Variants in RTN4IP1 observed in about 807,000 individuals in gnomAD.
RTN4IP1 encodes the protein reticulon 4 interacting protein 1.
In RTN4IP1, 32 loss-of-function variants were observed where a neutral mutation model predicts 46.6. The observed-to-expected ratio is 0.69, with a 90% CI of 0.52 to 0.92. RTN4IP1 has a LOEUF of 0.92. Among genes scored for constraint, RTN4IP1 ranks in the 40% least tolerant of loss-of-function variants. The pLI, the probability that RTN4IP1 is intolerant of heterozygous loss-of-function variation, is 0.00. For synonymous variants in RTN4IP1, 167 were observed against 161.8 expected (o/e 1.03, Z -0.24); for missense variants, 424 against 485.8 (o/e 0.87, Z 1.20).
intron 4 of RTN4IP1, among the ~76,000 whole-genome samples, chr6:106,611,735 C>T (rs569184025): frequency 6.6e-6 from 1 of 152,230 alleles, no homozygotes; most frequent in Admixed American, 6.5e-5. Context: ...ACCAAGATAG[C>T]CTAGATTTAT....
intron 8 of RTN4IP1, among the ~76,000 whole-genome samples, chr6:106,578,917 T>C (rs1022967194): frequency 7.7e-5 from 10 of 129,778 alleles, no homozygotes; most frequent in South Asian, 2.2e-4. Flanking sequence ...TCTTCTTCTT[T>C]TTTTTTTTTT....
intron 8 of RTN4IP1, among the ~76,000 whole-genome samples, chr6:106,575,437 G>A (rs373875542): frequency 1.3e-5 from 2 of 152,224 alleles, no homozygotes; most frequent in Admixed American, 6.5e-5. Flanking sequence ...ACGTAGGGAC[G>A]ACGGGAACCT....
chr6:106,618,995 C>G (rs1322789838), intron 4 of RTN4IP1, among the ~76,000 whole-genome samples: 1 of 152,114 alleles, frequency 6.6e-6, no homozygotes. Context: ...AAAAAATTCC[C>G]AAGTGATTGG....
intron 1 of RTN4IP1, among the ~76,000 whole-genome samples, chr6:106,623,920 C>A (rs6904150): frequency 0.4 from 60,108 of 151,982 alleles, 13,498 homozygotes; most frequent in East Asian, 0.63. Context: ...AACAGTTTAC[C>A]AGTAATGATC....
At chr6:106,584,608 T>C (rs1270391026) in intron 7 of RTN4IP1, among the ~76,000 whole-genome samples, 2 of 152,262 alleles carry the variant, frequency 1.3e-5, no homozygotes, top group Non-Finnish European at 2.9e-5. Flanking sequence ...GCCCATTTCC[T>C]GTAGAATGGT....
rs879437052 is a variant in RTN4IP1 at position 106,629,304 on chromosome 6, AG to A, written c.-284del. Reference sequence around the variant, plus strand: ...TCACCCCCTCCACTTTAAAAAAAAAAGGGGGGGCGGGGCATTAAAAAGCAGG... The same window carrying A: ...TCACCCCCTCCACTTTAAAAAAAAAAGGGGGGCGGGGCATTAAAAAGCAGG... On this transcript the variant is annotated 5_prime_UTR_variant, in exon 1 of 9. An upstream open reading frame in the 5' UTR loses its in-frame stop. Transcript: ENST00000369063. 12,790 of 359,362 alleles carry A rather than the reference AG, an allele frequency of 0.036. 4 individuals are homozygous for A. The highest frequency in any genetic ancestry group is 0.12 in the East Asian group (1,425 of 11,984). 22.3% of individuals were successfully genotyped at this position (359,362 alleles called of 1,614,324 possible).
At chr6:106,610,098 G>A (rs529059612) in intron 4 of RTN4IP1, among the ~76,000 whole-genome samples, 2 of 151,722 alleles carry the variant, frequency 1.3e-5, no homozygotes, top group Admixed American at 1.3e-4. Context: ...GTCTCACTCC[G>A]TCGCCCAGGC....
rs143947379 is a variant in RTN4IP1, at chr6:106,629,122, G to C, written c.-101C>G. ...TCAAATTCTGCCAAACCACGGGCTA[G>C]TTTCAAAATTAAGCATGCAAAACGG... On this transcript the variant is annotated 5_prime_UTR_variant, in exon 1 of 9. Transcript: ENST00000369063. 149 of 1,176,630 alleles carry C rather than the reference G, an allele frequency of 1.3e-4. 1 individual carries two copies. In the African/African-American group the frequency reaches 2.1e-3, roughly 16 times the overall value. The allele number at this position is 1,176,630 out of a possible 1,614,324, so 72.9% of individuals were successfully genotyped here. A position where few individuals can be genotyped will look rare whatever the true frequency, so the allele number is the denominator to read the frequency against.
chr6:106,599,283 G>A (rs1170542908), intron 5 of RTN4IP1, among the ~76,000 whole-genome samples: 2 of 151,654 alleles, frequency 1.3e-5, no homozygotes, highest in Admixed American at 1.3e-4. Context: ...AAAGCATACA[G>A]AATATAAATA....
At chr6:106,595,817 ACACTGCCCCTCATAT>A (rs1196145522) in intron 5 of RTN4IP1, among the ~76,000 whole-genome samples, 4 of 152,234 alleles carry the variant, frequency 2.6e-5, no homozygotes, top group Non-Finnish European at 4.4e-5. Context: ...TCACAAAATA[ACACTGCCCCTCATAT>A]CACTGCCCCT....
chr6:106,585,997 ACT>A (rs1369934558), intron 7 of RTN4IP1, among the ~76,000 whole-genome samples: 1 of 152,204 alleles, frequency 6.6e-6, no homozygotes, highest in Non-Finnish European at 1.5e-5. Flanking sequence ...CCCTGTGGAC[ACT>A]GTTTCTGGCT....
chr6:106,603,344 C>T (rs9386571), intron 4 of RTN4IP1, among the ~76,000 whole-genome samples: 103,938 of 152,036 alleles, frequency 0.68, 37,396 homozygotes, highest in Non-Finnish European at 0.81. Flanking sequence ...CTCACCAAAG[C>T]GAAATAAACA....
At chr6:106,613,633 C>G (rs945085061) in intron 4 of RTN4IP1, among the ~76,000 whole-genome samples, 1 of 152,204 alleles carries the variant, frequency 6.6e-6, no homozygotes, top group Non-Finnish European at 1.5e-5. Context: ...CCCCAGCCAT[C>G]TGAATGGACT....
chr6:106,591,210 C>T (rs9386570), intron 6 of RTN4IP1, among the ~76,000 whole-genome samples: 34,902 of 151,992 alleles, frequency 0.23, 4,617 homozygotes, highest in East Asian at 0.3. Flanking sequence ...TAAAACCGCC[C>T]AAACAAGAAT....
At chr6:106,585,058 T>C (rs1354633750) in intron 7 of RTN4IP1, among the ~76,000 whole-genome samples, 1 of 152,038 alleles carries the variant, frequency 6.6e-6, no homozygotes, top group African/African-American at 2.4e-5. Context: ...CTTAGAGGAG[T>C]AGGGCTTGGT....
intron 8 of RTN4IP1, among the ~76,000 whole-genome samples, chr6:106,581,590 A>C (rs1204807375): frequency 6.6e-6 from 1 of 152,190 alleles, no homozygotes; most frequent in Non-Finnish European, 1.5e-5. Flanking sequence ...CCCAAGCCCA[A>C]ACAGCTTGTG....
intron 4 of RTN4IP1, chr6:106,607,921 G>A (rs1207319746): frequency 4.6e-5 from 7 of 152,192 alleles, no homozygotes; most frequent in Non-Finnish European, 1.0e-4. Flanking sequence ...ATGGAAAACG[G>A]TATGAAGTTT....
intron 4 of RTN4IP1, among the ~76,000 whole-genome samples, chr6:106,603,882 G>C (rs1193374597): frequency 6.6e-6 from 1 of 152,104 alleles, no homozygotes; most frequent in Non-Finnish European, 1.5e-5. Context: ...GAGGCTGAGG[G>C]ACATTATAAA....
chr6:106,625,358 C>A (rs1042860079), intron 1 of RTN4IP1, among the ~76,000 whole-genome samples: 2 of 152,004 alleles, frequency 1.3e-5, no homozygotes, highest in African/African-American at 2.4e-5. Context: ...GAGACTAAGG[C>A]GGCAGTTTAA....
Sources: allele counts gnomAD v4.1 joint callset (sites outside exome capture counted in the v4.1 genomes callset), GRCh38; gene constraint gnomAD v4.1.1; transcripts MANE v1.5; gene names NCBI Gene and HGNC (gene_info 2026-07-23, HGNC 2026-07-21).